Variants in CADPS2 observed in about 807,000 individuals in gnomAD.
CADPS2 encodes calcium dependent secretion activator 2.
CADPS2 carries 93 observed loss-of-function variants against 172.5 expected under a neutral mutation model. That is an observed-to-expected ratio of 0.54 (90% CI 0.46 to 0.64). CADPS2 has a LOEUF of 0.64. Among genes scored for constraint, CADPS2 ranks in the 30% least tolerant of loss-of-function variants. The pLI is 0.00. For missense variants in CADPS2, 1,420 were observed against 1,565.9 expected (o/e 0.91, Z 1.57); for synonymous variants, 546 against 555.2 (o/e 0.98, Z 0.23).
At chr7:122,474,634 G>T in intron 12 of CADPS2, 117 bp from the exon 13 acceptor site, 1 of 913,452 alleles carries the variant, frequency 1.1e-6, no homozygotes, top group Non-Finnish European at 1.6e-6. Context: ...TTTATCACAT[G>T]AAATATGATG....
At chr7:122,707,463 G>C (rs2087768917) in intron 2 of CADPS2, among the ~76,000 whole-genome samples, 1 of 151,850 alleles carries the variant, frequency 6.6e-6, no homozygotes, top group Non-Finnish European at 1.5e-5. Flanking sequence ...CTCCAATAAA[G>C]CAAAACAGAT....
intron 6 of CADPS2, among the ~76,000 whole-genome samples, chr7:122,583,866 A>G (rs1431250798): frequency 6.6e-6 from 1 of 151,288 alleles, no homozygotes; most frequent in Non-Finnish European, 1.5e-5. Flanking sequence ...ACATATGTAT[A>G]TAACATATGT....
At chr7:122,483,736 A>T (rs1246527584) in intron 11 of CADPS2, among the ~76,000 whole-genome samples, 1 of 152,166 alleles carries the variant, frequency 6.6e-6, no homozygotes, top group Non-Finnish European at 1.5e-5. Context: ...ATAGAAGTTT[A>T]CTATTGTAAA....
At chr7:122,691,227 T>C (rs1345644514) in intron 2 of CADPS2, among the ~76,000 whole-genome samples, 7 of 152,110 alleles carry the variant, frequency 4.6e-5, no homozygotes, top group Non-Finnish European at 8.8e-5. Context: ...CTTATGAGCC[T>C]GATGGGCAGC....
intron 20 of CADPS2, among the ~76,000 whole-genome samples, chr7:122,402,249 T>C (rs914218216): frequency 2.0e-5 from 3 of 152,060 alleles, no homozygotes; most frequent in African/African-American, 7.2e-5. Flanking sequence ...CATTAAAAAA[T>C]AAAAGTTCAA....
intron 9 of CADPS2, among the ~76,000 whole-genome samples, chr7:122,499,369 C>T (rs973141286): frequency 2.0e-5 from 3 of 152,202 alleles, no homozygotes; most frequent in African/African-American, 7.2e-5. Context: ...CAAACTCCAG[C>T]ACTATTGTAG....
chr7:122,689,995 A>G (rs2084126333), intron 2 of CADPS2, among the ~76,000 whole-genome samples: 1 of 152,218 alleles, frequency 6.6e-6, no homozygotes, highest in South Asian at 2.1e-4. Flanking sequence ...AGGCCTGGAC[A>G]GTGTGCAGTT....
chr7:122,701,632 T>C (rs2086114020), intron 2 of CADPS2: 1 of 398,746 alleles, frequency 2.5e-6, no homozygotes, highest in Non-Finnish European at 4.4e-6. Flanking sequence ...AAAAAAACAA[T>C]TAAAACTGAT....
At chr7:122,625,542 G>A (rs2076005549) in intron 4 of CADPS2, among the ~76,000 whole-genome samples, 1 of 152,152 alleles carries the variant, frequency 6.6e-6, no homozygotes, top group Non-Finnish European at 1.5e-5. Context: ...TATGACCAAA[G>A]GCGAAGGTTT....
At chr7:122,598,026 T>G (rs2072138962) in intron 6 of CADPS2, among the ~76,000 whole-genome samples, 1 of 152,150 alleles carries the variant, frequency 6.6e-6, no homozygotes, top group Non-Finnish European at 1.5e-5. Flanking sequence ...GATGACATTT[T>G]GTTGCCTAGT....
At chr7:122,402,986 A>AG (rs1427710306) in intron 20 of CADPS2, among the ~76,000 whole-genome samples, 1 of 152,232 alleles carries the variant, frequency 6.6e-6, no homozygotes, top group Non-Finnish European at 1.5e-5. Flanking sequence ...TTTTCTTTCA[A>AG]GGGGTACTAA....
intron 8 of CADPS2, among the ~76,000 whole-genome samples, chr7:122,542,378 A>G (rs993678445): frequency 2.0e-5 from 3 of 152,154 alleles, no homozygotes; most frequent in Non-Finnish European, 4.4e-5. Context: ...TCTCTCAGAT[A>G]TGATAGTAAG....
intron 1 of CADPS2, among the ~76,000 whole-genome samples, chr7:122,819,840 C>T (rs1415431138): frequency 6.6e-6 from 1 of 152,064 alleles, no homozygotes; most frequent in Non-Finnish European, 1.5e-5. Flanking sequence ...TCTACTCCCT[C>T]CTTGGCATGA....
At chr7:122,752,872 C>T (rs1041701663) in intron 1 of CADPS2, among the ~76,000 whole-genome samples, 6 of 151,920 alleles carry the variant, frequency 3.9e-5, no homozygotes, top group Admixed American at 6.6e-5. Flanking sequence ...AGAAATTGAG[C>T]GGGGCACATA....
intron 1 of CADPS2, among the ~76,000 whole-genome samples, chr7:122,777,643 A>G (rs1476239896): frequency 6.6e-6 from 1 of 152,098 alleles, no homozygotes; most frequent in Non-Finnish European, 1.5e-5. Flanking sequence ...TATTCTCATG[A>G]TAGTGAGCGA....
intron 1 of CADPS2, among the ~76,000 whole-genome samples, chr7:122,740,715 A>G (rs1295433011): frequency 1.3e-5 from 2 of 152,142 alleles, no homozygotes; most frequent in Non-Finnish European, 2.9e-5. Flanking sequence ...AAAAAATACC[A>G]TAGGCAAAAT....
At chr7:122,823,513 C>T (rs186791995) in intron 1 of CADPS2, among the ~76,000 whole-genome samples, 65 of 151,934 alleles carry the variant, frequency 4.3e-4, no homozygotes, top group Middle Eastern at 6.8e-3. Flanking sequence ...ATAGAAGTCT[C>T]TTGGAGAGCG....
intron 1 of CADPS2, among the ~76,000 whole-genome samples, chr7:122,818,835 T>C (rs1802278222): frequency 6.6e-6 from 1 of 152,160 alleles, no homozygotes; most frequent in African/African-American, 2.4e-5. Flanking sequence ...AGGCACTTTT[T>C]CAACAAATAT....
chr7:122,641,342 T>A (rs553302347), intron 3 of CADPS2, among the ~76,000 whole-genome samples: 1 of 152,302 alleles, frequency 6.6e-6, no homozygotes, highest in Admixed American at 6.5e-5. Flanking sequence ...GCTTTTATTT[T>A]CCTCCTGTTC....
Sources: gnomAD v4.1 joint callset for allele counts (sites outside exome capture counted in the v4.1 genomes callset) on GRCh38, gnomAD v4.1.1 for gene constraint, MANE v1.5 for transcripts, NCBI Gene and HGNC (gene_info 2026-07-23, HGNC 2026-07-21) for gene names.